Variants in KCNQ3 observed in about 807,000 individuals in gnomAD.
KCNQ3 encodes the protein potassium voltage-gated channel subfamily KQT member 3.
Under a neutral mutation model 92.5 loss-of-function variants are expected in KCNQ3, and 30 were observed. The observed-to-expected ratio is 0.32, with a 90% CI of 0.24 to 0.44. The LOEUF (loss-of-function observed/expected upper bound fraction) is 0.44. KCNQ3 is among the 20% of genes least tolerant of loss of function. The probability of loss-of-function intolerance (pLI) is 1.00; values close to 1 mark genes in which losing one functional copy is unlikely to be tolerated. For missense variants in KCNQ3, 913 were observed against 1,140.3 expected, an observed-to-expected ratio of 0.80 and a Z score of 2.87; for synonymous variants, 450 against 468.8, an observed-to-expected ratio of 0.96 and a Z score of 0.52.
intron 1 of KCNQ3, among the ~76,000 whole-genome samples, chr8:132,365,793 G>A (rs1466742090): frequency 6.6e-6 from 1 of 152,156 alleles, no homozygotes; most frequent in East Asian, 1.9e-4. Context: ...ATTTTGGGAG[G>A]CTGAGACAGG....
intron 14 of KCNQ3, among the ~76,000 whole-genome samples, chr8:132,131,577 T>C (rs998584246): frequency 2.6e-5 from 4 of 152,156 alleles, no homozygotes; most frequent in African/African-American, 9.7e-5. Context: ...TATTATCAAG[T>C]GTCCACTGTG....
chr8:132,262,930 T>C (rs1815838777), intron 1 of KCNQ3, among the ~76,000 whole-genome samples: 1 of 152,190 alleles, frequency 6.6e-6, no homozygotes, highest in Non-Finnish European at 1.5e-5. Context: ...TCAGTGAGTC[T>C]ATGAGTGGGT....
chr8:132,421,501 A>C lies in KCNQ3; in HGVS notation c.386+58646T>G, dbSNP rs1398885803. On this transcript the variant is annotated intron_variant, in intron 1 of 14. Coordinates refer to ENST00000388996, the MANE Select transcript of KCNQ3 (RefSeq NM_004519.4). ...GAGCGCAGAGGAGCAGAGGAAAGAC[A>C]GGTTATGACCAAAATGATGCTGCCT... is the stretch of plus-strand genomic sequence containing the variant. Among the ~76,000 whole-genome samples the C allele has an allele frequency of 3.9e-5, 6 of 152,128 alleles. 1 individual carries two copies. The East Asian group carries it at 1.2e-3, about 29-fold the overall frequency.
At chr8:132,323,332 C>G (rs1034386244) in intron 1 of KCNQ3, among the ~76,000 whole-genome samples, 1 of 152,190 alleles carries the variant, frequency 6.6e-6, no homozygotes, top group Non-Finnish European at 1.5e-5. Flanking sequence ...AGCCTGCCAC[C>G]TGCATTTGCA....
intron 1 of KCNQ3, among the ~76,000 whole-genome samples, chr8:132,260,268 A>G (rs1208384853): frequency 6.6e-6 from 1 of 152,162 alleles, no homozygotes; most frequent in Non-Finnish European, 1.5e-5. Flanking sequence ...TCTTCTATCT[A>G]AGCTTTCGGG....
chr8:132,457,338 G>A (rs536601242), intron 1 of KCNQ3, among the ~76,000 whole-genome samples: 3 of 152,148 alleles, frequency 2.0e-5, no homozygotes, highest in South Asian at 2.1e-4. Context: ...CAGAGACACC[G>A]AGGTTTCTTG....
intron 1 of KCNQ3, among the ~76,000 whole-genome samples, chr8:132,233,466 T>G (rs1814705067): frequency 6.6e-6 from 1 of 152,202 alleles, no homozygotes; most frequent in Admixed American, 6.5e-5. Context: ...CCAGGGTGTG[T>G]GGGAAGCCTA....
Position 132,175,500 on chromosome 8 carries a change from T to A in KCNQ3, c.886A>T (p.Met296Leu). ...VPEVDAQGEE[M>L]KEEFETYADA... Reference sequence around the variant, plus strand: ...GCATAGGTCTCAAACTCCTCTTTCATCTCCTCTCCTTGTGCATCCACCTCT... The same window carrying A: ...GCATAGGTCTCAAACTCCTCTTTCAACTCCTCTCCTTGTGCATCCACCTCT... Residue 296 changes from methionine (M) to leucine (L), a missense_variant, in exon 5 of 15, where the codon ATG (methionine) becomes TTG (leucine). Met to Leu is a conservative substitution (Grantham distance 15). Around this residue, in one of 6 missense-constraint regions of KCNQ3, gnomAD observed 21 missense variants for 16.3 expected, o/e 1.29. Coordinates refer to ENST00000388996, the MANE Select transcript of KCNQ3 (RefSeq NM_004519.4). 1 of 1,614,120 alleles carries A rather than the reference T, an allele frequency of 6.2e-7. No homozygotes were observed. The highest frequency in any genetic ancestry group is 8.5e-7 in the Non-Finnish European group (1 of 1,180,018).
At chr8:132,245,565 C>A (rs1442315531) in intron 1 of KCNQ3, among the ~76,000 whole-genome samples, 2 of 151,980 alleles carry the variant, frequency 1.3e-5, no homozygotes, top group Non-Finnish European at 2.9e-5. Flanking sequence ...TTTTAACCAC[C>A]CTTCTCCATG....
chr8:132,393,455 A>C (rs1002578965), intron 1 of KCNQ3, among the ~76,000 whole-genome samples: 2 of 152,216 alleles, frequency 1.3e-5, no homozygotes, highest in African/African-American at 4.8e-5. Flanking sequence ...ACAACATGTA[A>C]ACAAAGAGTA....
intron 1 of KCNQ3, among the ~76,000 whole-genome samples, chr8:132,238,210 G>A (rs375611810): frequency 4.3e-4 from 65 of 152,238 alleles, no homozygotes; most frequent in African/African-American, 1.5e-3. Context: ...TATGCTTGCA[G>A]CTGCAGGAAG....
At chr8:132,235,670 G>A (rs1338123890) in intron 1 of KCNQ3, among the ~76,000 whole-genome samples, 1 of 152,132 alleles carries the variant, frequency 6.6e-6, no homozygotes, top group Admixed American at 6.5e-5. Flanking sequence ...CACTCAGTCG[G>A]TGCCAGTCAT....
intron 1 of KCNQ3, among the ~76,000 whole-genome samples, chr8:132,236,741 C>G (rs1814827973): frequency 6.6e-6 from 1 of 152,168 alleles, no homozygotes; most frequent in Non-Finnish European, 1.5e-5. Context: ...CTGGGTGGGT[C>G]TGACTTTATC....
chr8:132,438,360 G>T (rs879595312), intron 1 of KCNQ3, among the ~76,000 whole-genome samples: 6 of 152,018 alleles, frequency 3.9e-5, no homozygotes, highest in Non-Finnish European at 8.8e-5. Context: ...GAAAACAGTG[G>T]CAGGATTTAA....
At chr8:132,266,295 T>G (rs1815979078) in intron 1 of KCNQ3, among the ~76,000 whole-genome samples, 1 of 152,182 alleles carries the variant, frequency 6.6e-6, no homozygotes, top group Non-Finnish European at 1.5e-5. Context: ...TAATAGTCTC[T>G]CGGCCACCTC....
chr8:132,282,025 G>C (rs1816537925), intron 1 of KCNQ3, among the ~76,000 whole-genome samples: 2 of 152,082 alleles, frequency 1.3e-5, no homozygotes, highest in South Asian at 2.1e-4. Flanking sequence ...TTCATGTGGT[G>C]GCTTCAATGT....
At chr8:132,149,694 G>C (rs2004248) in intron 9 of KCNQ3, among the ~76,000 whole-genome samples, 1 of 151,954 alleles carries the variant, frequency 6.6e-6, no homozygotes. Flanking sequence ...ACACGCGCGC[G>C]GGACAGTTGG....
intron 1 of KCNQ3, among the ~76,000 whole-genome samples, chr8:132,405,952 G>A (rs891916056): frequency 3.3e-5 from 5 of 152,136 alleles, no homozygotes; most frequent in African/African-American, 4.8e-5. Flanking sequence ...AGGCAACACT[G>A]AACTAAGCAG....
At chr8:132,265,116 C>T (rs1263107692) in intron 1 of KCNQ3, among the ~76,000 whole-genome samples, 7 of 152,172 alleles carry the variant, frequency 4.6e-5, no homozygotes, top group Admixed American at 3.9e-4. Flanking sequence ...GGTACAGGTC[C>T]TGGCATAGCA....
Sources: gnomAD v4.1 joint callset for allele counts (sites outside exome capture counted in the v4.1 genomes callset) on GRCh38, gnomAD v4.1.1 for gene constraint, gnomAD v4.1.1 regional missense constraint, MANE v1.5 for transcripts, NCBI Gene and HGNC (gene_info 2026-07-23, HGNC 2026-07-21) for gene names.